The following FSTL4 variants were observed in gnomAD, a reference collection of about 807,000 sequenced individuals.
The protein encoded by FSTL4 is follistatin like 4.
In FSTL4, 28 loss-of-function variants were observed where a neutral mutation model predicts 78.2. That is an observed-to-expected ratio of 0.36 (90% confidence interval 0.27 to 0.49). The LOEUF (loss-of-function observed/expected upper bound fraction) is 0.49, where lower values mean the gene tolerates loss of function less well. Ranked by LOEUF, FSTL4 falls within the 20% of genes least tolerant of loss-of-function variation. The pLI, the probability that FSTL4 is intolerant of heterozygous loss-of-function variation, is 0.98. For synonymous variants in FSTL4, 422 were observed against 440.5 expected, an observed-to-expected ratio of 0.96 and a Z score of 0.53; for missense variants, 922 against 1,084.9, an observed-to-expected ratio of 0.85 and a Z score of 2.11.
chr5:133,274,048 A>G (rs148467689), intron 6 of FSTL4, among the ~76,000 whole-genome samples: 1 of 152,234 alleles, frequency 6.6e-6, no homozygotes, highest in Non-Finnish European at 1.5e-5. Context: ...TAATGCCTGC[A>G]CTTTGAGGCC....
chr5:133,270,437 C>T (rs1752742861), intron 6 of FSTL4, among the ~76,000 whole-genome samples: 1 of 152,206 alleles, frequency 6.6e-6, no homozygotes, highest in South Asian at 2.1e-4. Context: ...CTTTCCTCCC[C>T]ATAAAGAGAC....
chr5:133,521,610 T>C (rs921222253), intron 3 of FSTL4, among the ~76,000 whole-genome samples: 10 of 152,144 alleles, frequency 6.6e-5, no homozygotes, highest in Admixed American at 5.2e-4. Context: ...GTGAACCTAA[T>C]ACATTTTAAC....
intron 3 of FSTL4, among the ~76,000 whole-genome samples, chr5:133,531,053 C>T (rs1366461004): frequency 2.0e-5 from 3 of 152,190 alleles, no homozygotes; most frequent in Admixed American, 6.5e-5. Flanking sequence ...CTGGATAGGG[C>T]CGATATTCTT....
the FSTL4 span, among the ~76,000 whole-genome samples, chr5:133,753,723 G>GTC: frequency 7.8e-5 from 11 of 141,036 alleles, no homozygotes; most frequent in Admixed American, 2.9e-4. Flanking sequence ...GTGTGTGTGT[G>GTC]TGTGTAGTGG....
rs184439780 is a variant in FSTL4, at chr5:133,392,537, G to A, written c.409+8201C>T. Among the ~76,000 whole-genome samples the A allele has an allele frequency of 6.4e-3, 975 of 152,298 alleles. 3 individuals are homozygous for A. Among genetic ancestry groups the A allele is most frequent in the Non-Finnish European group, 0.011 (736 of 68,026 alleles). On this transcript the variant is annotated intron_variant, in intron 4 of 15. Transcript: ENST00000265342. ...GATCTTAGCAAAGTCAGTGGCAGGG[G>A]TAACAGGACAGGAGCTAGGTGCAGA...
the FSTL4 span, among the ~76,000 whole-genome samples, chr5:133,662,575 C>T: frequency 6.6e-6 from 1 of 152,178 alleles, no homozygotes; most frequent in Non-Finnish European, 1.5e-5. Context: ...GTTTAATTAC[C>T]CTTGATTTTT....
chr5:133,807,624 G>A, the FSTL4 span, among the ~76,000 whole-genome samples: 2 of 152,212 alleles, frequency 1.3e-5, no homozygotes, highest in Non-Finnish European at 2.9e-5. Flanking sequence ...AACCAGCAAA[G>A]AGCTGTAGGT....
intron 3 of FSTL4, among the ~76,000 whole-genome samples, chr5:133,542,216 A>G (rs1218113363): frequency 1.3e-5 from 2 of 152,158 alleles, no homozygotes; most frequent in Admixed American, 1.3e-4. Context: ...TAGATTTTTA[A>G]AATACTTTTC....
intron 3 of FSTL4, among the ~76,000 whole-genome samples, chr5:133,428,033 T>C (rs935967786): frequency 3.3e-5 from 5 of 152,152 alleles, no homozygotes; most frequent in South Asian, 4.1e-4. Flanking sequence ...TTGTGTGAGT[T>C]GGGAGGTCAC....
In FSTL4 at chr5:133,255,752, A is replaced by G. The variant is rs574844257; in HGVS notation, c.728-6176T>C. Among the ~76,000 whole-genome samples, 14 of 152,354 alleles carry G rather than the reference A, an allele frequency of 9.2e-5. No homozygotes were observed. The South Asian group carries it at 2.9e-3, about 32-fold the overall frequency. On this transcript the variant is annotated intron_variant, in intron 6 of 15. Coordinates refer to ENST00000265342, the MANE Select transcript of FSTL4 (RefSeq NM_015082.2). ...GAGCTTGGAGAGAAGAGGCAGTCAC[A>G]GGGAATTAATGGGCTTACCATAAGC...
the FSTL4 span, among the ~76,000 whole-genome samples, chr5:133,711,065 C>T: frequency 3.3e-5 from 5 of 152,194 alleles, no homozygotes; most frequent in African/African-American, 1.2e-4. Context: ...TGGATGTGCA[C>T]CTGGTCGTGT....
At chr5:133,213,013 A>ATTTTT (rs530591042) in intron 13 of FSTL4, among the ~76,000 whole-genome samples, 1 of 141,400 alleles carries the variant, frequency 7.1e-6, no homozygotes, top group Non-Finnish European at 1.5e-5. Flanking sequence ...GAAAGTAAAG[A>ATTTTT]TTTTTTTTTT....
At chr5:133,818,809 G>A in the FSTL4 span, among the ~76,000 whole-genome samples, 2 of 150,012 alleles carry the variant, frequency 1.3e-5, no homozygotes, top group African/African-American at 2.5e-5. Flanking sequence ...TTTTGAGGAT[G>A]AATTGTACCA....
intron 4 of FSTL4, among the ~76,000 whole-genome samples, chr5:133,364,347 C>T (rs1755133134): frequency 6.6e-6 from 1 of 152,214 alleles, no homozygotes; most frequent in African/African-American, 2.4e-5. Context: ...AGGCCTGAAA[C>T]TTCAGAGGGG....
At chr5:133,421,568 T>C (rs915023812) in intron 3 of FSTL4, among the ~76,000 whole-genome samples, 2 of 152,228 alleles carry the variant, frequency 1.3e-5, no homozygotes, top group Admixed American at 1.3e-4. Context: ...GGGGTGGCCA[T>C]TGCCCTAACG....
At chr5:133,524,347 T>C (rs1322251309) in intron 3 of FSTL4, among the ~76,000 whole-genome samples, 1 of 152,176 alleles carries the variant, frequency 6.6e-6, no homozygotes, top group East Asian at 1.9e-4. Flanking sequence ...CTGTGGGTTT[T>C]CCAAGGTCTG....
chr5:133,303,224 A>T (rs544020449), intron 6 of FSTL4, among the ~76,000 whole-genome samples: 48 of 152,306 alleles, frequency 3.2e-4, no homozygotes, highest in African/African-American at 1.1e-3. Context: ...GGTGTGGGGA[A>T]TGGCTGGCCT....
chr5:133,774,130 A>G, the FSTL4 span, among the ~76,000 whole-genome samples: 2 of 152,216 alleles, frequency 1.3e-5, no homozygotes, highest in Non-Finnish European at 2.9e-5. Flanking sequence ...ATTCCTGAAT[A>G]AAAGAATAGT....
chr5:133,264,065 T>C (rs1752592616), intron 6 of FSTL4, among the ~76,000 whole-genome samples: 1 of 152,152 alleles, frequency 6.6e-6, no homozygotes, highest in Non-Finnish European at 1.5e-5. Context: ...TGGAGGTATT[T>C]TTGGTTGTCA....
Sources: gnomAD v4.1 joint callset for allele counts (sites outside exome capture counted in the v4.1 genomes callset) on GRCh38, gnomAD v4.1.1 for gene constraint, MANE v1.5 for transcripts, NCBI Gene and HGNC (gene_info 2026-07-23, HGNC 2026-07-21) for gene names.